The following CRPPA variants were observed in gnomAD, a reference collection of about 807,000 sequenced individuals.
CRPPA encodes the protein CDP-L-ribitol pyrophosphorylase A, also known as D-ribitol-5-phosphate cytidylyltransferase.
CRPPA carries 43 observed loss-of-function variants against 52.0 expected under a neutral mutation model. That is an observed-to-expected ratio of 0.83 (90% CI 0.65 to 1.07). The LOEUF is 1.07. Among genes scored for constraint, CRPPA ranks in the 50% least tolerant of loss-of-function variants. The pLI is 0.00. For synonymous variants in CRPPA, 250 were observed against 203.5 expected (o/e 1.23, Z -1.94); for missense variants, 629 against 551.7 (o/e 1.14, Z -1.40).
At chr7:16,399,775 G>A (rs1347281012) in intron 2 of CRPPA, among the ~76,000 whole-genome samples, 1 of 151,996 alleles carries the variant, frequency 6.6e-6, no homozygotes, top group African/African-American at 2.4e-5. Context: ...ACAAGTGGCT[G>A]ACATGCTTGG....
chr7:16,243,161 T>A (rs1783173335), intron 8 of CRPPA, among the ~76,000 whole-genome samples: 2 of 152,202 alleles, frequency 1.3e-5, no homozygotes, highest in South Asian at 4.2e-4. Context: ...TGAGTTCTCC[T>A]GAGATCTGAT....
At chr7:16,265,250 G>A (rs1783923781) in intron 6 of CRPPA, among the ~76,000 whole-genome samples, 2 of 152,132 alleles carry the variant, frequency 1.3e-5, no homozygotes, top group African/African-American at 4.8e-5. Context: ...CTAGCTAGCT[G>A]GTCATACTAA....
Position 16,421,208 on chromosome 7 carries a change from C to T in CRPPA, c.115G>A (p.Glu39Lys). 1.5e-6 allele frequency: 2 copies of T among 1,341,344 alleles called. No homozygotes were observed. Among genetic ancestry groups the T allele is most frequent in the South Asian group, 2.0e-5 (1 of 49,196 alleles). 83.1% of individuals were successfully genotyped at this position (1,341,344 alleles called of 1,614,324 possible). ...SASLQSVAGT[E>K]PGRHPQAVAA... Reference sequence around the variant, plus strand: ...ACGGCTTGCGGGTGGCGCCCGGGCTCGGTCCCGGCCACGCTCTGCAGGGAG... The same window carrying T: ...ACGGCTTGCGGGTGGCGCCCGGGCTTGGTCCCGGCCACGCTCTGCAGGGAG... Residue 39 changes from glutamate to lysine, a missense_variant, in exon 1 of 10, where the codon GAG becomes AAG. Physicochemically the swap from Glu to Lys is moderately conservative, Grantham distance 56. Transcript: ENST00000407010.
intron 8 of CRPPA, among the ~76,000 whole-genome samples, chr7:16,252,436 A>G (rs935664285): frequency 4.6e-5 from 7 of 152,334 alleles, no homozygotes; most frequent in African/African-American, 1.7e-4. Flanking sequence ...ACAAACCCAC[A>G]GCCAATATCA....
intron 2 of CRPPA, among the ~76,000 whole-genome samples, chr7:16,380,537 A>G (rs1333046882): frequency 6.6e-6 from 1 of 151,998 alleles, no homozygotes; most frequent in Admixed American, 6.6e-5. Context: ...CTCTTTTTCT[A>G]TTGATTGGAG....
intron 5 of CRPPA, among the ~76,000 whole-genome samples, chr7:16,280,534 A>C (rs115119662): frequency 0.012 from 1,809 of 152,300 alleles, 42 homozygotes; most frequent in African/African-American, 0.041. Context: ...CATTTATATA[A>C]ATTTGTAAAA....
intron 1 of CRPPA, among the ~76,000 whole-genome samples, chr7:16,412,923 T>C (rs1788105774): frequency 6.6e-6 from 1 of 152,202 alleles, no homozygotes; most frequent in Admixed American, 6.5e-5. Flanking sequence ...CTTACAGGAA[T>C]ACTCGGCCCA....
intron 8 of CRPPA, among the ~76,000 whole-genome samples, chr7:16,219,089 T>C (rs1444590905): frequency 1.3e-5 from 2 of 152,140 alleles, no homozygotes; most frequent in Admixed American, 6.5e-5. Context: ...TATAACGAAT[T>C]ATCTCTCAGA....
intron 3 of CRPPA, among the ~76,000 whole-genome samples, chr7:16,347,261 C>G (rs187950545): frequency 6.6e-6 from 1 of 152,238 alleles, no homozygotes; most frequent in East Asian, 1.9e-4. Flanking sequence ...TTTCAGAGTT[C>G]TATGACTCTA....
intron 2 of CRPPA, among the ~76,000 whole-genome samples, chr7:16,399,893 C>T (rs990415569): frequency 5.3e-5 from 8 of 151,916 alleles, no homozygotes; most frequent in Admixed American, 2.0e-4. Flanking sequence ...GACTCATGAT[C>T]GTTATGTGAT....
At chr7:16,218,769 C>CA (rs1782410777) in intron 8 of CRPPA, among the ~76,000 whole-genome samples, 1 of 133,316 alleles carries the variant, frequency 7.5e-6, no homozygotes, top group Admixed American at 7.7e-5. Context: ...GCACCCAATA[C>CA]AGGAGCACCC....
At chr7:16,173,445 T>C (rs1781234517) in intron 9 of CRPPA, among the ~76,000 whole-genome samples, 2 of 152,126 alleles carry the variant, frequency 1.3e-5, no homozygotes, top group South Asian at 4.1e-4. Context: ...TCCTAGTCAA[T>C]GCTATAAGAA....
chr7:16,277,995 G>A, intron 6 of CRPPA, 134 bp downstream of exon 6: 1 of 640,802 alleles, frequency 1.6e-6, no homozygotes, highest in Non-Finnish European at 2.8e-6. Flanking sequence ...CAGACCAAAG[G>A]ATCTCATTGA....
At position 16,157,115 on chromosome 7, in the gene CRPPA, CAGA is replaced by C. The variant is rs546435649; in HGVS notation, c.1251+58948_1251+58950del. On this transcript the variant is annotated intron_variant, in intron 9 of 9. Coordinates refer to ENST00000407010, the MANE Select transcript of CRPPA (RefSeq NM_001101426.4). The stretch of plus-strand genomic sequence containing the variant: ...TCAAAGTAAGTTGCAGGAAGTTTTT[CAGA>C]AGGAGAAGAAATATTTATTGTGTTT... 1.4e-3 allele frequency among the ~76,000 whole-genome samples: 206 copies of C among 151,196 alleles called. 1 individual carries two copies. The highest frequency in any genetic ancestry group is 4.9e-3 in the African/African-American group (201 of 41,214).
At chr7:16,399,670 G>A (rs918205933) in intron 2 of CRPPA, among the ~76,000 whole-genome samples, 26 of 151,908 alleles carry the variant, frequency 1.7e-4, no homozygotes, top group Admixed American at 4.6e-4. Flanking sequence ...ACACGTGGCC[G>A]ACGCATGACC....
chr7:16,142,022 A>AG (rs1156764290), intron 9 of CRPPA, among the ~76,000 whole-genome samples: 1 of 152,138 alleles, frequency 6.6e-6, no homozygotes, highest in Non-Finnish European at 1.5e-5. Flanking sequence ...AAAACCACCA[A>AG]GAAATTATAC....
chr7:16,125,888 T>TACACACACAC (rs3083131), intron 9 of CRPPA, among the ~76,000 whole-genome samples: 1 of 134,150 alleles, frequency 7.5e-6, no homozygotes, highest in African/African-American at 2.8e-5. Context: ...GAAGCTTGCC[T>TACACACACAC]ACACACACAC....
chr7:16,140,032 T>A (rs1782837874), intron 9 of CRPPA, among the ~76,000 whole-genome samples: 1 of 152,142 alleles, frequency 6.6e-6, no homozygotes. Context: ...AAAAGTCAAG[T>A]AAAATTATTC....
At chr7:16,221,294 T>A (rs1168259230) in intron 8 of CRPPA, among the ~76,000 whole-genome samples, 1 of 151,970 alleles carries the variant, frequency 6.6e-6, no homozygotes, top group Middle Eastern at 3.2e-3. Context: ...AAAAATCAAT[T>A]CAAGATGGAT....
Sources: gnomAD v4.1 joint callset for allele counts (sites outside exome capture counted in the v4.1 genomes callset) on GRCh38, gnomAD v4.1.1 for gene constraint, MANE v1.5 for transcripts, NCBI Gene and HGNC (gene_info 2026-07-23, HGNC 2026-07-21) for gene names.